PRICKLE2: variants seen among roughly 807,000 people sequenced by gnomAD.
PRICKLE2 encodes the protein prickle-like protein 2.
PRICKLE2 carries 21 observed loss-of-function variants against 81.4 expected under a neutral mutation model. The observed-to-expected ratio is 0.26, with a 90% CI of 0.18 to 0.37. The LOEUF (loss-of-function observed/expected upper bound fraction) is 0.37, where lower values mean the gene tolerates loss of function less well. PRICKLE2 is among the 10% of genes least tolerant of loss of function. The pLI, the probability that PRICKLE2 is intolerant of heterozygous loss-of-function variation, is 1.00. For synonymous variants in PRICKLE2, 456 were observed against 421.5 expected, an observed-to-expected ratio of 1.08 and a Z score of -1.00; for missense variants, 940 against 1,109.0, an observed-to-expected ratio of 0.85 and a Z score of 2.16.
At chr3:64,246,873 C>T (rs188192174) in intron 2 of PRICKLE2, among the ~76,000 whole-genome samples, 50 of 152,298 alleles carry the variant, frequency 3.3e-4, no homozygotes, top group African/African-American at 1.2e-3. Context: ...TTCTCTGGTT[C>T]CCCTGGACTA....
At chr3:64,123,929 C>T (rs183688478) in intron 7 of PRICKLE2, among the ~76,000 whole-genome samples, 189 of 152,196 alleles carry the variant, frequency 1.2e-3, no homozygotes, top group Non-Finnish European at 2.9e-4. Context: ...AAGGAAGAGT[C>T]GTGCACCTCT....
intron 2 of PRICKLE2, among the ~76,000 whole-genome samples, chr3:64,250,274 G>A (rs1285259768): frequency 6.6e-6 from 1 of 151,900 alleles, no homozygotes; most frequent in African/African-American, 2.4e-5. Flanking sequence ...GCTGTCTTGT[G>A]TACTGTAGGA....
chr3:64,225,547 G>T, upstream of PRICKLE2: 1 of 634,640 alleles, frequency 1.6e-6, no homozygotes, highest in Non-Finnish European at 2.0e-6. Context: ...CTGCTGCCCA[G>T]TGCTGAGATT....
chr3:64,180,977 T>G (rs1453839207), intron 2 of PRICKLE2, among the ~76,000 whole-genome samples: 1 of 152,182 alleles, frequency 6.6e-6, no homozygotes, highest in Non-Finnish European at 1.5e-5. Flanking sequence ...TTTCCTTCTG[T>G]TTTTAATAAG....
At chr3:64,222,236 C>A (rs1349881983) in intron 1 of PRICKLE2, among the ~76,000 whole-genome samples, 1 of 152,268 alleles carries the variant, frequency 6.6e-6, no homozygotes, top group East Asian at 1.9e-4. Context: ...TCATACCTCC[C>A]ATCAGGAAGT....
intron 1 of PRICKLE2, chr3:64,199,302 A>C: frequency 2.4e-6 from 1 of 425,216 alleles, no homozygotes; most frequent in Non-Finnish European, 4.2e-6. Flanking sequence ...GATATGGCCC[A>C]TGACCACAAT....
chr3:64,170,655 T>C (rs1478534873), intron 2 of PRICKLE2, among the ~76,000 whole-genome samples: 2 of 147,386 alleles, frequency 1.4e-5, no homozygotes, highest in Non-Finnish European at 3.0e-5. Context: ...AGCCCAGGAG[T>C]TCGAGACTGG....
intron 7 of PRICKLE2, among the ~76,000 whole-genome samples, chr3:64,106,224 T>C (rs1468648382): frequency 6.6e-6 from 1 of 152,222 alleles, no homozygotes; most frequent in African/African-American, 2.4e-5. Flanking sequence ...ATATTATTTA[T>C]TATTTATGTG....
intron 7 of PRICKLE2, chr3:64,146,509 C>T (rs896748998): frequency 4.8e-5 from 15 of 315,720 alleles, no homozygotes; most frequent in African/African-American, 2.6e-4. Context: ...TTTGGGAGGC[C>T]GAGGCAGGTG....
intron 7 of PRICKLE2, among the ~76,000 whole-genome samples, chr3:64,119,052 G>A (rs1340578052): frequency 6.6e-6 from 1 of 152,146 alleles, no homozygotes; most frequent in Non-Finnish European, 1.5e-5. Context: ...AAAAAAGAAT[G>A]AGATCACGTC....
chr3:64,194,117 T>C (rs2078403514), intron 2 of PRICKLE2: 1 of 152,186 alleles, frequency 6.6e-6, no homozygotes, highest in South Asian at 2.1e-4. Context: ...AAAGTTCTTT[T>C]TGGTTTAGAG....
intron 1 of PRICKLE2, among the ~76,000 whole-genome samples, chr3:64,211,029 G>C (rs1440528920): frequency 6.6e-6 from 1 of 152,158 alleles, no homozygotes; most frequent in Non-Finnish European, 1.5e-5. Context: ...GAGGACCTCT[G>C]GGAGACAGTA....
At chr3:64,221,335 C>A (rs1251449084) in intron 1 of PRICKLE2, among the ~76,000 whole-genome samples, 2 of 151,552 alleles carry the variant, frequency 1.3e-5, no homozygotes, top group Non-Finnish European at 2.9e-5. Context: ...ACTGCTCAGA[C>A]AATAGGCCAA....
rs978066626 is a variant in PRICKLE2, at chr3:64,234,940, C to T, written c.129-35973G>A. 3.9e-5 allele frequency among the ~76,000 whole-genome samples: 6 copies of T among 152,138 alleles called. No homozygotes were observed. In the South Asian group the frequency reaches 1.2e-3, roughly 31 times the overall value. On this transcript the variant is annotated intron_variant, in intron 2 of 8. Coordinates refer to the PRICKLE2 transcript ENST00000295902. Reference sequence around the variant, plus strand: ...TTCATAAGACTTCGGAAGTCTTCTACCATTATTTCTTCAAATATTTTTTCA... The same window carrying T: ...TTCATAAGACTTCGGAAGTCTTCTATCATTATTTCTTCAAATATTTTTTCA...
intron 2 of PRICKLE2, among the ~76,000 whole-genome samples, chr3:64,243,474 C>G (rs1319402137): frequency 6.6e-6 from 1 of 152,196 alleles, no homozygotes; most frequent in Non-Finnish European, 1.5e-5. Context: ...TTTTAGAAAT[C>G]CTATCTTGTC....
intron 2 of PRICKLE2, among the ~76,000 whole-genome samples, chr3:64,190,936 G>A (rs1394280381): frequency 1.3e-5 from 2 of 152,166 alleles, no homozygotes; most frequent in African/African-American, 2.4e-5. Context: ...GGGTGGCAGA[G>A]CTCAGTACTT....
intron 7 of PRICKLE2, among the ~76,000 whole-genome samples, chr3:64,109,475 A>G (rs1559512752): frequency 6.6e-6 from 1 of 151,950 alleles, no homozygotes; most frequent in East Asian, 1.9e-4. Context: ...TCAGTTACAC[A>G]TCTGTCATCT....
At chr3:64,137,511 A>G (rs998732162) in intron 7 of PRICKLE2, among the ~76,000 whole-genome samples, 7 of 152,170 alleles carry the variant, frequency 4.6e-5, no homozygotes, top group Non-Finnish European at 1.0e-4. Context: ...CTCACGCCCA[A>G]GGAGGTTATA....
At chr3:64,104,242 C>T (rs776096907) in intron 7 of PRICKLE2, among the ~76,000 whole-genome samples, 11 of 152,110 alleles carry the variant, frequency 7.2e-5, no homozygotes, top group Non-Finnish European at 1.3e-4. Context: ...AGAGCCTCCC[C>T]AATATGAAAG....
Sources: allele counts gnomAD v4.1 joint callset (sites outside exome capture counted in the v4.1 genomes callset), GRCh38; gene constraint gnomAD v4.1.1; transcripts MANE v1.5; gene names NCBI Gene and HGNC (gene_info 2026-07-23, HGNC 2026-07-21).